The following IAPP variants were observed in gnomAD, a reference collection of about 807,000 sequenced individuals.
IAPP encodes Islet amyloid polypeptide (diabetes-associated peptide; amylin).
In IAPP, 4 loss-of-function variants were observed where a neutral mutation model predicts 2.9. The ratio of observed to expected loss-of-function variants is 1.39; its 90% CI spans 0.69 to 3.19. The LOEUF is 3.19. Among genes scored for constraint, IAPP ranks in the 30% most tolerant of loss-of-function variants. The probability of loss-of-function intolerance (pLI) is 0.01; values close to 1 mark genes in which losing one functional copy is unlikely to be tolerated. For missense variants in IAPP, 114 were observed against 105.3 expected (o/e 1.08, Z -0.36); for synonymous variants, 40 against 42.1 (o/e 0.95, Z 0.19).
intron 1 of IAPP, among the ~76,000 whole-genome samples, chr12:21,357,721 T>G (rs529441249): frequency 6.6e-6 from 1 of 151,588 alleles, no homozygotes; most frequent in Non-Finnish European, 1.5e-5. Flanking sequence ...TGTGTTTATT[T>G]TTTTTGTTTT....
intron 1 of IAPP, among the ~76,000 whole-genome samples, chr12:21,362,812 T>C (rs1380969391): frequency 6.6e-6 from 1 of 152,146 alleles, no homozygotes; most frequent in Non-Finnish European, 1.5e-5. Context: ...CATTACATAA[T>C]GGTAACAGGA....
At position 21,373,979 on chromosome 12, in the gene IAPP, T is replaced by C. The variant is rs1053439129; in HGVS notation, c.80+548T>C. Among the ~76,000 whole-genome samples the C allele has an allele frequency of 3.9e-5, 6 of 152,286 alleles. 1 individual carries two copies. Among genetic ancestry groups the C allele is most frequent in the Non-Finnish European group, 4.4e-5 (3 of 68,004 alleles). ...AAGAAGTAGTTAAAAAGCCATTTGC[T>C]GTTGGGGGATTTATTCTATATTGCT... is the stretch of plus-strand genomic sequence containing the variant. On this transcript the variant is annotated intron_variant, in intron 2 of 2. Coordinates refer to ENST00000240652, the MANE Select transcript of IAPP (RefSeq NM_000415.3).
chr12:21,360,203 T>C (rs559151133), intron 1 of IAPP, among the ~76,000 whole-genome samples: 2 of 152,262 alleles, frequency 1.3e-5, no homozygotes, highest in African/African-American at 4.8e-5. Flanking sequence ...GACAACATTT[T>C]AGAAGGATGG....
chr12:21,370,179 C>T (rs1307407368), upstream of IAPP, among the ~76,000 whole-genome samples: 1 of 152,092 alleles, frequency 6.6e-6, no homozygotes, highest in African/African-American at 2.4e-5. Flanking sequence ...AAGCAAGTCA[C>T]TTATATTCTT....
chr12:21,372,747 GT>G (rs1182571811), upstream of IAPP: 5 of 154,782 alleles, frequency 3.2e-5, no homozygotes, highest in Non-Finnish European at 7.1e-5. Context: ...TTACTGATGA[GT>G]TAATGTAATA....
chr12:21,374,529 C>A (rs926674578), intron 2 of IAPP: 3 of 152,132 alleles, frequency 2.0e-5, no homozygotes, highest in African/African-American at 7.2e-5. Flanking sequence ...ACAGCACCTA[C>A]GTATAATAAA....
chr12:21,355,504 G>A (rs1938296399), intron 1 of IAPP, among the ~76,000 whole-genome samples: 1 of 152,150 alleles, frequency 6.6e-6, no homozygotes, highest in South Asian at 2.1e-4. Context: ...ACAAGGCCTA[G>A]GATCTGGGAG....
At chr12:21,365,550 A>G (rs1939307756) in intron 1 of IAPP, among the ~76,000 whole-genome samples, 1 of 152,200 alleles carries the variant, frequency 6.6e-6, no homozygotes, top group South Asian at 2.1e-4. Context: ...GACAAATGGG[A>G]ACTAATTGAA....
chr12:21,366,871 T>C (rs1015307586), intron 1 of IAPP, among the ~76,000 whole-genome samples: 7 of 151,802 alleles, frequency 4.6e-5, no homozygotes, highest in Admixed American at 3.9e-4. Context: ...AAAATATATA[T>C]AAACACAAGA....
intron 1 of IAPP, among the ~76,000 whole-genome samples, chr12:21,364,358 T>C (rs538072352): frequency 6.6e-6 from 1 of 152,330 alleles, no homozygotes; most frequent in East Asian, 1.9e-4. Flanking sequence ...CTCTTCATGC[T>C]GAAAACTCTC....
intron 2 of IAPP, among the ~76,000 whole-genome samples, chr12:21,376,563 C>T (rs1439993034): frequency 6.6e-6 from 1 of 151,990 alleles, no homozygotes. Flanking sequence ...ATAATTTGTT[C>T]AAACATTTGT....
intron 2 of IAPP, chr12:21,376,329 G>T: frequency 5.6e-6 from 2 of 356,638 alleles, no homozygotes; most frequent in African/African-American, 2.2e-5. Flanking sequence ...TGAGATGTTT[G>T]GACCAAATTC....
intron 1 of IAPP, among the ~76,000 whole-genome samples, chr12:21,366,461 G>A (rs1358554368): frequency 1.3e-5 from 2 of 151,934 alleles, no homozygotes; most frequent in Non-Finnish European, 2.9e-5. Context: ...GAGTTGACGG[G>A]TGCAGCACAC....
intron 2 of IAPP, among the ~76,000 whole-genome samples, chr12:21,377,622 T>C (rs964526858): frequency 6.6e-6 from 1 of 152,198 alleles, no homozygotes; most frequent in Non-Finnish European, 1.5e-5. Flanking sequence ...TGAATTTGAC[T>C]ATTTTAAATA....
chr12:21,358,105 GA>G (rs1441581968), intron 1 of IAPP, among the ~76,000 whole-genome samples: 4 of 152,092 alleles, frequency 2.6e-5, no homozygotes, highest in African/African-American at 9.7e-5. Flanking sequence ...AAGAGTGTTG[GA>G]ATAGGCATTT....
At chr12:21,372,691 A>G (rs755070872), upstream of IAPP, among the ~76,000 whole-genome samples, 11 of 152,206 alleles carry the variant, frequency 7.2e-5, no homozygotes, top group Non-Finnish European at 1.5e-4. Context: ...TGTGTATGAC[A>G]CACCATTAAC....
intron 1 of IAPP, among the ~76,000 whole-genome samples, chr12:21,358,314 T>C (rs1263279103): frequency 2.0e-5 from 3 of 152,216 alleles, no homozygotes; most frequent in Non-Finnish European, 4.4e-5. Context: ...TAAGCATTCT[T>C]AGTGGAATGA....
chr12:21,360,699 T>C (rs964180221), intron 1 of IAPP, among the ~76,000 whole-genome samples: 4 of 152,178 alleles, frequency 2.6e-5, no homozygotes, highest in Non-Finnish European at 5.9e-5. Context: ...AATACTGCTC[T>C]TTTCCAACAG....
Position 21,379,959 on chromosome 12 carries a change from T to C in IAPP, c.*1533T>C, listed in dbSNP as rs1373613872. 1.3e-5 allele frequency: 2 copies of C among 152,144 alleles called. No homozygotes were observed. The highest frequency in any genetic ancestry group is 2.9e-5 in the Non-Finnish European group (2 of 68,024). 9.4% of individuals were successfully genotyped at this position (152,144 alleles called of 1,614,324 possible). A position where few individuals can be genotyped will look rare whatever the true frequency, so the allele number is the denominator to read the frequency against. Reference sequence around the variant, plus strand: ...GTCATGAATTACATATTGAAATAAATAGGTGAATATACAAATTTATATTTG... The same window carrying C: ...GTCATGAATTACATATTGAAATAAACAGGTGAATATACAAATTTATATTTG... On this transcript the variant is annotated 3_prime_UTR_variant, in exon 3 of 3. Transcript: ENST00000240652.
Sources: gnomAD v4.1 joint callset for allele counts (sites outside exome capture counted in the v4.1 genomes callset) on GRCh38, gnomAD v4.1.1 for gene constraint, MANE v1.5 for transcripts, NCBI Gene and HGNC (gene_info 2026-07-23, HGNC 2026-07-21) for gene names.